SRSF10: variants seen among roughly 807,000 people sequenced by gnomAD.
The protein encoded by SRSF10 is serine and arginine rich splicing factor 10, also known as serine/arginine-rich splicing factor 10.
Under a neutral mutation model 32.6 loss-of-function variants are expected in SRSF10, and 9 were observed. That is an observed-to-expected ratio of 0.28 (90% CI 0.17 to 0.48). SRSF10 has a LOEUF of 0.48. Among genes scored for constraint, SRSF10 ranks in the 20% least tolerant of loss-of-function variants. The probability of loss-of-function intolerance (pLI) is 0.99; values close to 1 mark genes in which losing one functional copy is unlikely to be tolerated. For missense variants in SRSF10, 201 were observed against 331.8 expected, an observed-to-expected ratio of 0.61 and a Z score of 3.06; for synonymous variants, 105 against 112.4, an observed-to-expected ratio of 0.93 and a Z score of 0.42.
At chr1:23,972,984 C>T (rs1008159334) in intron 3 of SRSF10, among the ~76,000 whole-genome samples, 2 of 152,080 alleles carry the variant, frequency 1.3e-5, no homozygotes, top group Non-Finnish European at 1.5e-5. Flanking sequence ...AGGTGATCTG[C>T]CCCTGCCCGC....
At chr1:23,974,368 G>T (rs1170398358) in intron 3 of SRSF10, among the ~76,000 whole-genome samples, 4 of 152,074 alleles carry the variant, frequency 2.6e-5, no homozygotes, top group African/African-American at 7.2e-5. Context: ...TTCCTGCCTT[G>T]TAAGTACGCA....
chr1:23,977,900 C>G, intron 2 of SRSF10: 4 of 975,862 alleles, frequency 4.1e-6, no homozygotes, highest in Non-Finnish European at 4.9e-6. Context: ...AATAGTTATT[C>G]TGTAGGATAC....
chr1:23,971,056 G>A lies in SRSF10; in HGVS notation c.*86C>T. ...TAACAAGTGTTTTTTAAGCATCATT[G>A]CAACATTGTATTCCTGATAATTTAA... On this transcript the variant is annotated 3_prime_UTR_variant, in exon 6 of 6. Transcript: ENST00000492112. 1.3e-6 allele frequency: 2 copies of A among 1,512,620 alleles called. No homozygotes were observed. Among genetic ancestry groups the A allele is most frequent in the Non-Finnish European group, 1.8e-6 (2 of 1,135,220 alleles). The allele number at this position is 1,512,620 out of a possible 1,614,324, so 93.7% of individuals were successfully genotyped here.
rs968889904 is a variant in SRSF10 at position 23,968,274 on chromosome 1, T to A, written c.*2868A>T. On this transcript the variant is annotated 3_prime_UTR_variant, in exon 6 of 6. Transcript: ENST00000492112. ...TCAATAGTCCAAGTCTAAAAATAAGTTGACACAAGTAAAAATAAAAATGAA... is the reference window on the plus strand; with the variant it reads ...TCAATAGTCCAAGTCTAAAAATAAGATGACACAAGTAAAAATAAAAATGAA... Among the ~76,000 whole-genome samples, 1 of 152,120 alleles carries A rather than the reference T, an allele frequency of 6.6e-6. No individual in the cohort carries two copies. Among genetic ancestry groups the A allele is most frequent in the Non-Finnish European group, 1.5e-5 (1 of 67,982 alleles).
rs1641458855 is a variant in SRSF10 at position 23,966,528 on chromosome 1, T to A, written c.*4614A>T. On this transcript the variant is annotated 3_prime_UTR_variant, in exon 6 of 6. Coordinates refer to ENST00000492112, the MANE Select transcript of SRSF10 (RefSeq NM_054016.4). ...TGTACATGTAAATCACTAAAAAGTATAATTTGGTGAACATTTTCTCAATTA... is the reference window on the plus strand; with the variant it reads ...TGTACATGTAAATCACTAAAAAGTAAAATTTGGTGAACATTTTCTCAATTA... 6.6e-6 allele frequency: 1 copy of A among 151,980 alleles called. No homozygotes were observed. The highest frequency in any genetic ancestry group is 2.4e-5 in the African/African-American group (1 of 41,426). 9.4% of individuals were successfully genotyped at this position (151,980 alleles called of 1,614,324 possible).
At position 23,970,663 on chromosome 1, in the gene SRSF10, C is replaced by G. The variant is rs1472673470; in HGVS notation, c.*479G>C. 6.1e-6 allele frequency: 6 copies of G among 986,490 alleles called. No individual in the cohort carries two copies. The highest frequency in any genetic ancestry group is 7.2e-6 in the Non-Finnish European group (6 of 830,908). The allele number at this position is 986,490 out of a possible 1,614,324, so 61.1% of individuals were successfully genotyped here. A position where few individuals can be genotyped will look rare whatever the true frequency, so the allele number is the denominator to read the frequency against. On this transcript the variant is annotated 3_prime_UTR_variant, in exon 6 of 6. Coordinates refer to ENST00000492112, the MANE Select transcript of SRSF10 (RefSeq NM_054016.4). ...TGTGAGCCACCACGCCCAGCCGGGC[C>G]TAGACATCTTGACAAGACATAAAGG...
Position 23,980,166 on chromosome 1 carries a change from C to G in SRSF10, c.65+25G>C, listed in dbSNP as rs536407768. The G allele has an allele frequency of 9.8e-6, 15 of 1,532,222 alleles. No individual in the cohort carries two copies. In the African/African-American group the frequency reaches 2.0e-4, roughly 20 times the overall value. 94.9% of individuals were successfully genotyped at this position (1,532,222 alleles called of 1,614,324 possible). A position where few individuals can be genotyped will look rare whatever the true frequency, so the allele number is the denominator to read the frequency against. Reference sequence around the variant, plus strand: ...GGCGCCTGCGGCCTCCCCGCCTAGGCCCGGAGTACCTGCCTTGTACCTACC... The same window carrying G: ...GGCGCCTGCGGCCTCCCCGCCTAGGGCCGGAGTACCTGCCTTGTACCTACC... On this transcript the variant is annotated intron_variant, in intron 1 of 5. Coordinates refer to ENST00000492112, the MANE Select transcript of SRSF10 (RefSeq NM_054016.4).
At chr1:23,977,369 T>C (rs1020448956) in intron 2 of SRSF10, 2 of 152,352 alleles carry the variant, frequency 1.3e-5, no homozygotes, top group Non-Finnish European at 2.9e-5. Context: ...TAGGTACCTA[T>C]ACCAGGGAGA....
Position 23,965,402 on chromosome 1 carries a change from ATCT to A in SRSF10, c.*5737_*5739del, listed in dbSNP as rs1364122201. The stretch of plus-strand genomic sequence containing the variant: ...AGTCTCTGAGCCACACAACCATAAG[ATCT>A]TCGAGTACGTTTAATCTCTCATCCA... On this transcript the variant is annotated 3_prime_UTR_variant, in exon 6 of 6. Coordinates refer to ENST00000492112, the MANE Select transcript of SRSF10 (RefSeq NM_054016.4). 1 of 151,976 alleles carries A rather than the reference ATCT, an allele frequency of 6.6e-6. No homozygotes were observed. The highest frequency in any genetic ancestry group is 1.5e-5 in the Non-Finnish European group (1 of 67,838). 9.4% of individuals were successfully genotyped at this position (151,976 alleles called of 1,614,324 possible).
rs1237355959 is a variant in SRSF10, at chr1:23,970,463, C to T, written c.*679G>A. On this transcript the variant is annotated 3_prime_UTR_variant, in exon 6 of 6. Transcript: ENST00000492112. ...GCAACTTCTACCTCCCAGGTTCAAG[C>T]GATTCTCTTGCCTCAGCCTCCTGAG... is the stretch of plus-strand genomic sequence containing the variant. 3 of 645,310 alleles carry T rather than the reference C, an allele frequency of 4.6e-6. No homozygotes were observed. The highest frequency in any genetic ancestry group is 5.8e-6 in the Non-Finnish European group (3 of 521,274). The allele number at this position is 645,310 out of a possible 1,614,324, so 40.0% of individuals were successfully genotyped here.
chr1:23,975,554 A>G (rs1642037181), intron 2 of SRSF10: 1 of 152,872 alleles, frequency 6.5e-6, no homozygotes, highest in Admixed American at 6.5e-5. Flanking sequence ...TTACCTTACA[A>G]GAGAGGAAAG....
In SRSF10 at chr1:23,969,480, C is replaced by G. The variant is rs1254713248; in HGVS notation, c.*1662G>C. ...AAGGTTCTAGAATCAATCCTTTAAA[C>G]ACATTCCACAAACAGTATTTAAAAT... On this transcript the variant is annotated 3_prime_UTR_variant, in exon 6 of 6. Coordinates refer to ENST00000492112, the MANE Select transcript of SRSF10 (RefSeq NM_054016.4). The G allele has an allele frequency of 1.0e-6, 1 of 985,306 alleles. No individual in the cohort carries two copies. Among genetic ancestry groups the G allele is most frequent in the African/African-American group, 1.7e-5 (1 of 57,224 alleles). 61.0% of individuals were successfully genotyped at this position (985,306 alleles called of 1,614,324 possible).
In SRSF10 at chr1:23,970,605, C is replaced by T. The variant is rs573453094; in HGVS notation, c.*537G>A. On this transcript the variant is annotated 3_prime_UTR_variant, in exon 6 of 6. Transcript: ENST00000492112. ...CGAACTCCTGACCTCGTGATCCGCC[C>T]GCCTCGGCCTCCCAAAGTGCTGGGA... The T allele has an allele frequency of 8.9e-6, 8 of 902,002 alleles. No homozygotes were observed. The highest frequency in any genetic ancestry group is 1.2e-4 in the East Asian group (1 of 8,406). The allele number at this position is 902,002 out of a possible 1,614,324, so 55.9% of individuals were successfully genotyped here. A position where few individuals can be genotyped will look rare whatever the true frequency, so the allele number is the denominator to read the frequency against.
At chr1:23,973,868 C>A (rs1423796047) in intron 3 of SRSF10, among the ~76,000 whole-genome samples, 1 of 152,132 alleles carries the variant, frequency 6.6e-6, no homozygotes, top group Non-Finnish European at 1.5e-5. Context: ...GAAGCAGATA[C>A]TTTATGTATT....
rs1287003633 is a variant in SRSF10 at position 23,968,928 on chromosome 1, G to A, written c.*2214C>T. ...AATTTTTAACTACTGTGTAAAAGAT[G>A]TACCTTTCTGGCAAGTTCTATCATT... On this transcript the variant is annotated 3_prime_UTR_variant, in exon 6 of 6. Transcript: ENST00000492112. Among the ~76,000 whole-genome samples the A allele has an allele frequency of 1.3e-5, 2 of 152,138 alleles. No individual in the cohort carries two copies. Among genetic ancestry groups the A allele is most frequent in the African/African-American group, 4.8e-5 (2 of 41,440 alleles).
chr1:23,967,760 C>A lies in SRSF10; in HGVS notation c.*3382G>T. 3 of 1,609,060 alleles carry A rather than the reference C, an allele frequency of 1.9e-6. No individual in the cohort carries two copies. The highest frequency in any genetic ancestry group is 2.5e-6 in the Non-Finnish European group (3 of 1,177,014). ...GAAGGATGTTTGTCAGTTTGGTTTC[C>A]TTTATTCTTCTCTGTGGTATACAGG... On this transcript the variant is annotated 3_prime_UTR_variant, in exon 6 of 6. Coordinates refer to ENST00000492112, the MANE Select transcript of SRSF10 (RefSeq NM_054016.4).
chr1:23,978,565 T>C (rs1246524467), intron 2 of SRSF10, 148 bp downstream of exon 2: 2 of 1,002,784 alleles, frequency 2.0e-6, no homozygotes, highest in African/African-American at 1.6e-5. Flanking sequence ...ACGAGAGCAA[T>C]GTGTGAGTCA....
rs1450829971 is a variant in SRSF10 at position 23,969,524 on chromosome 1, C to T, written c.*1618G>A. ...TTAAAATCCATCGTTGTATTCTTTA[C>T]AGGCAAAGCCTAGATTACTAAAACC... is the stretch of plus-strand genomic sequence containing the variant. On this transcript the variant is annotated 3_prime_UTR_variant, in exon 6 of 6. Transcript: ENST00000492112. The T allele has an allele frequency of 1.0e-6, 1 of 985,356 alleles. No homozygotes were observed. Among genetic ancestry groups the T allele is most frequent in the Non-Finnish European group, 1.2e-6 (1 of 829,848 alleles). 61.0% of individuals were successfully genotyped at this position (985,356 alleles called of 1,614,324 possible). A position where few individuals can be genotyped will look rare whatever the true frequency, so the allele number is the denominator to read the frequency against.
chr1:23,974,158 A>T (rs916573763), intron 3 of SRSF10, among the ~76,000 whole-genome samples: 8 of 151,794 alleles, frequency 5.3e-5, no homozygotes, highest in African/African-American at 1.9e-4. Context: ...TGCCTGGCTA[A>T]TTTTTTCTAT....
Sources: allele counts gnomAD v4.1 joint callset (sites outside exome capture counted in the v4.1 genomes callset), GRCh38; gene constraint gnomAD v4.1.1; transcripts MANE v1.5; gene names NCBI Gene and HGNC (gene_info 2026-07-23, HGNC 2026-07-21).